The following ADAMTS18 variants were observed in gnomAD, a reference collection of about 807,000 sequenced individuals.
The protein encoded by ADAMTS18 is A disintegrin and metalloproteinase with thrombospondin motifs 18.
Under a neutral mutation model 165.9 loss-of-function variants are expected in ADAMTS18, and 157 were observed. The observed-to-expected ratio is 0.95, with a 90% confidence interval of 0.83 to 1.08. ADAMTS18 has a LOEUF of 1.08. Among genes scored for constraint, ADAMTS18 ranks in the 50% least tolerant of loss-of-function variants. The pLI, the probability that ADAMTS18 is intolerant of heterozygous loss-of-function variation, is 0.00. For synonymous variants in ADAMTS18, 782 were observed against 578.2 expected (o/e 1.35, Z -5.06); for missense variants, 2,040 against 1,534.0 (o/e 1.33, Z -5.51).
intron 3 of ADAMTS18, among the ~76,000 whole-genome samples, chr16:77,391,361 C>T (rs2057183922): frequency 6.6e-6 from 1 of 151,878 alleles, no homozygotes; most frequent in Admixed American, 6.6e-5. Context: ...AAATTAGGTG[C>T]ATGCCTGTAG....
intron 3 of ADAMTS18, among the ~76,000 whole-genome samples, chr16:77,416,799 A>C (rs1014673042): frequency 3.3e-5 from 5 of 152,196 alleles, no homozygotes; most frequent in African/African-American, 4.8e-5. Context: ...AATAGACTAA[A>C]GGGACAGAAG....
At chr16:77,363,922 T>A in intron 5 of ADAMTS18, 37 bp from the exon 6 acceptor site, 1 of 1,602,806 alleles carries the variant, frequency 6.2e-7, no homozygotes, top group South Asian at 1.1e-5. Context: ...AATCTCAAAA[T>A]TTTCAAAACC....
At position 77,383,783 on chromosome 16, in the gene ADAMTS18, C is replaced by T. The variant is rs749124318; in HGVS notation, c.496-16060G>A. ...GTCTTGAACTCCTGACATCGTGATC[C>T]GCCCTCCTTGACCTCCCAAAGCGCT... On this transcript the variant is annotated intron_variant, in intron 3 of 22. Transcript: ENST00000282849. Among the ~76,000 whole-genome samples the T allele has an allele frequency of 1.4e-4, 22 of 152,178 alleles. No individual in the cohort carries two copies. In the Middle Eastern group the frequency reaches 0.01, roughly 71 times the overall value.
intron 3 of ADAMTS18, among the ~76,000 whole-genome samples, chr16:77,414,389 C>G (rs1030125143): frequency 6.6e-6 from 1 of 152,132 alleles, no homozygotes; most frequent in Admixed American, 6.5e-5. Context: ...AAAATGCACA[C>G]TGGACTCTGA....
At position 77,401,250 on chromosome 16, in the gene ADAMTS18, T is replaced by C. The variant is rs77544044; in HGVS notation, c.495+30045A>G. Among the ~76,000 whole-genome samples the C allele has an allele frequency of 4.9e-3, 740 of 152,004 alleles. 9 individuals are homozygous for C. The highest frequency in any genetic ancestry group is 0.017 in the African/African-American group (719 of 41,478). Reference sequence around the variant, plus strand: ...GCCTGGGCAAAACAGCTAAACTCCATCTCAAAACAACAACAATAACAACAA... The same window carrying C: ...GCCTGGGCAAAACAGCTAAACTCCACCTCAAAACAACAACAATAACAACAA... On this transcript the variant is annotated intron_variant, in intron 3 of 22. Transcript: ENST00000282849.
chr16:77,431,187 G>T, intron 3 of ADAMTS18, 108 bp downstream of exon 3: 2 of 1,169,178 alleles, frequency 1.7e-6, no homozygotes, highest in Non-Finnish European at 2.5e-6. Flanking sequence ...GGCTGACAGT[G>T]TGAATGTGTG....
Position 77,434,608 on chromosome 16 carries a change from T to G in ADAMTS18, c.88A>C (p.Lys30Gln), listed in dbSNP as rs950470974. Residue 30 changes from lysine (K) to glutamine (Q), a missense_variant and splice_region_variant, in exon 1 of 23, where the codon AAG becomes CAG. By Grantham distance (53) the Lys-to-Gln change is moderately conservative. Transcript: ENST00000282849. The part of the protein sequence containing the change: ...RGLAGLGRVA[K>Q]ALQLCCLCCA... Reference sequence around the variant, plus strand: ...GAGCTCCGCTCGGCGGCACCTGCCTTGGCCACGCGCCCCAGTCCCGCCAGG... The same window carrying G: ...GAGCTCCGCTCGGCGGCACCTGCCTGGGCCACGCGCCCCAGTCCCGCCAGG... 6.6e-7 allele frequency: 1 copy of G among 1,523,366 alleles called. No homozygotes were observed. The highest frequency in any genetic ancestry group is 8.8e-7 in the Non-Finnish European group (1 of 1,141,094). The allele number at this position is 1,523,366 out of a possible 1,614,324, so 94.4% of individuals were successfully genotyped here.
At chr16:77,300,009 G>A (rs578086545) in intron 17 of ADAMTS18, 108 of 374,536 alleles carry the variant, frequency 2.9e-4, no homozygotes, top group African/African-American at 2.0e-3. Context: ...TATTTTATAT[G>A]TTTTTCCCAT....
At chr16:77,398,179 T>C (rs950100194) in intron 3 of ADAMTS18, among the ~76,000 whole-genome samples, 2 of 152,074 alleles carry the variant, frequency 1.3e-5, no homozygotes, top group African/African-American at 4.8e-5. Flanking sequence ...TAGCCGGATG[T>C]GGTGATGCAT....
rs995323081 is a variant in ADAMTS18, at chr16:77,434,893, G to C, written c.-198C>G. On this transcript the variant is annotated 5_prime_UTR_variant, in exon 1 of 23. Transcript: ENST00000282849. The stretch of plus-strand genomic sequence containing the variant: ...CGCCTGCGCGCCCTCCCTTCTCCCG[G>C]CGCGGGCCTGCCGAGCTGCAGTTTG... The C allele has an allele frequency of 4.7e-6, 2 of 423,596 alleles. No homozygotes were observed. Among genetic ancestry groups the C allele is most frequent in the Non-Finnish European group, 8.0e-6 (2 of 249,874 alleles). The allele number at this position is 423,596 out of a possible 1,614,324, so 26.2% of individuals were successfully genotyped here.
intron 3 of ADAMTS18, among the ~76,000 whole-genome samples, chr16:77,419,541 A>T (rs149982873): frequency 3.1e-3 from 479 of 152,270 alleles, no homozygotes; most frequent in African/African-American, 0.011. Context: ...GGACCCAATC[A>T]AATTTAAAGG....
intron 17 of ADAMTS18, 36 bp downstream of exon 17, chr16:77,300,227 G>A: frequency 6.2e-7 from 1 of 1,613,278 alleles, no homozygotes; most frequent in Non-Finnish European, 8.5e-7. Flanking sequence ...TTTTAAGAGA[G>A]ACAGACTTTG....
intron 17 of ADAMTS18, 79 bp from the exon 18 acceptor site, chr16:77,297,494 AC>A: frequency 1.4e-6 from 2 of 1,406,366 alleles, no homozygotes; most frequent in Non-Finnish European, 2.0e-6. Context: ...CTTCTGATTT[AC>A]CAGCATTGTG....
intron 3 of ADAMTS18, among the ~76,000 whole-genome samples, chr16:77,392,629 A>T (rs868275336): frequency 6.6e-6 from 1 of 152,242 alleles, no homozygotes; most frequent in African/African-American, 2.4e-5. Context: ...TTTCTACACT[A>T]GAGTGCAGGC....
At chr16:77,313,004 T>C (rs532898045) in intron 16 of ADAMTS18, among the ~76,000 whole-genome samples, 9 of 152,298 alleles carry the variant, frequency 5.9e-5, no homozygotes, top group African/African-American at 2.2e-4. Flanking sequence ...CGTATATTTA[T>C]TGCGGCACTA....
Position 77,293,275 on chromosome 16 carries a change from A to T in ADAMTS18, c.3007-17T>A, listed in dbSNP as rs751597619. The T allele has an allele frequency of 1.7e-5, 28 of 1,611,786 alleles. No homozygotes were observed. Among genetic ancestry groups the T allele is most frequent in the Non-Finnish European group, 2.4e-5 (28 of 1,178,242 alleles). ...CTTGGAACACTTGAGAAGACAAAAAAGTTCTATTTGCATTCCCATTAGGTT... is the reference window on the plus strand; with the variant it reads ...CTTGGAACACTTGAGAAGACAAAAATGTTCTATTTGCATTCCCATTAGGTT... On this transcript the variant is annotated splice_polypyrimidine_tract_variant and intron_variant, in intron 19 of 22. Coordinates refer to ENST00000282849, the MANE Select transcript of ADAMTS18 (RefSeq NM_199355.4).
chr16:77,375,454 C>T (rs980812656), intron 3 of ADAMTS18, among the ~76,000 whole-genome samples: 4 of 152,052 alleles, frequency 2.6e-5, no homozygotes, highest in Non-Finnish European at 4.4e-5. Context: ...GTGAGAGGAG[C>T]GGGGAAGCTA....
chr16:77,344,436 G>A (rs760684042), intron 10 of ADAMTS18, among the ~76,000 whole-genome samples: 2 of 152,016 alleles, frequency 1.3e-5, no homozygotes, highest in African/African-American at 4.8e-5. Flanking sequence ...ACGTGTTGTC[G>A]TATTGAGTCA....
At chr16:77,326,470 C>A (rs762593863) in intron 12 of ADAMTS18, among the ~76,000 whole-genome samples, 10 of 152,180 alleles carry the variant, frequency 6.6e-5, no homozygotes, top group Non-Finnish European at 8.8e-5. Context: ...GCTGCCTCCA[C>A]CTCTCTGGCT....
Sources: gnomAD v4.1 joint callset for allele counts (sites outside exome capture counted in the v4.1 genomes callset) on GRCh38, gnomAD v4.1.1 for gene constraint, MANE v1.5 for transcripts, NCBI Gene and HGNC (gene_info 2026-07-23, HGNC 2026-07-21) for gene names.